The following CSMD1 variants were observed in gnomAD, a reference collection of about 807,000 sequenced individuals.
CSMD1 encodes the protein CUB and sushi domain-containing protein 1.
In CSMD1, 213 loss-of-function variants were observed where a neutral mutation model predicts 417.5. That is an observed-to-expected ratio of 0.51 (90% CI 0.46 to 0.57). The LOEUF is 0.57. Ranked by LOEUF, CSMD1 falls within the 20% of genes least tolerant of loss-of-function variation. The pLI, the probability that CSMD1 is intolerant of heterozygous loss-of-function variation, is 0.00. For missense variants in CSMD1, 6,923 were observed against 4,529.7 expected (o/e 1.53, Z -15.17); for synonymous variants, 2,862 against 1,736.8 (o/e 1.65, Z -16.11).
intron 5 of CSMD1, among the ~76,000 whole-genome samples, chr8:3,768,453 T>C (rs1001001115): frequency 9.9e-5 from 15 of 152,198 alleles, no homozygotes; most frequent in African/African-American, 3.4e-4. Flanking sequence ...CCAGAAAATA[T>C]ATTTCCAACA....
At chr8:3,417,591 C>T (rs270089) in intron 12 of CSMD1, among the ~76,000 whole-genome samples, 134,886 of 152,196 alleles carry the variant, frequency 0.89, 60,016 homozygotes, top group Middle Eastern at 0.95. Context: ...CTACTACATG[C>T]GGGAAGTGTT....
chr8:4,423,750 T>G (rs138561867), intron 2 of CSMD1, among the ~76,000 whole-genome samples: 220 of 151,964 alleles, frequency 1.4e-3, no homozygotes, highest in African/African-American at 4.9e-3. Flanking sequence ...AAAAATAGAA[T>G]AGCTCAAACA....
intron 1 of CSMD1, among the ~76,000 whole-genome samples, chr8:4,677,648 T>G (rs1403988820): frequency 6.6e-6 from 1 of 152,188 alleles, no homozygotes; most frequent in Non-Finnish European, 1.5e-5. Context: ...TAATCATTAA[T>G]TAATCTCTCT....
rs373433152 is a variant in CSMD1, at chr8:4,358,067, C to T, written c.415+61886G>A. Among the ~76,000 whole-genome samples the T allele has an allele frequency of 1.2e-3, 185 of 152,184 alleles. No homozygotes were observed. The South Asian group carries it at 0.015, about 12-fold the overall frequency. ...TGCTGCTGATTTACATGTATACTTA[C>T]GTATATATGTATATATGTATACATA... On this transcript the variant is annotated intron_variant, in intron 3 of 69. Coordinates refer to ENST00000635120, the MANE Select transcript of CSMD1 (RefSeq NM_033225.6).
intron 21 of CSMD1, 65 bp downstream of exon 21, chr8:3,359,087 G>A: frequency 6.5e-7 from 1 of 1,527,938 alleles, no homozygotes. Flanking sequence ...GACCACCCTA[G>A]GCTTCTTGCC....
At chr8:4,249,664 C>G (rs1232071082) in intron 3 of CSMD1, among the ~76,000 whole-genome samples, 1 of 152,128 alleles carries the variant, frequency 6.6e-6, no homozygotes, top group Non-Finnish European at 1.5e-5. Context: ...TGAGAGCTGC[C>G]AGCTCTCTTC....
At chr8:3,989,301 C>A (rs555509117) in intron 5 of CSMD1, among the ~76,000 whole-genome samples, 14 of 152,306 alleles carry the variant, frequency 9.2e-5, no homozygotes, top group Non-Finnish European at 2.1e-4. Flanking sequence ...AGACTACAGC[C>A]TAAGTCTCAC....
intron 1 of CSMD1, among the ~76,000 whole-genome samples, chr8:4,972,728 T>C (rs1563907531): frequency 6.6e-6 from 1 of 152,144 alleles, no homozygotes; most frequent in African/African-American, 2.4e-5. Flanking sequence ...GAAATATTGT[T>C]TGAGTTTTGA....
chr8:3,347,784 CTA>C (rs1175392919), intron 22 of CSMD1, among the ~76,000 whole-genome samples: 1 of 152,106 alleles, frequency 6.6e-6, no homozygotes, highest in Non-Finnish European at 1.5e-5. Context: ...CGAGGTTTAT[CTA>C]CAAAGTTATT....
intron 2 of CSMD1, among the ~76,000 whole-genome samples, chr8:4,565,524 C>G (rs1585257155): frequency 6.6e-6 from 1 of 151,970 alleles, no homozygotes; most frequent in South Asian, 2.1e-4. Flanking sequence ...ATCACAAGGT[C>G]AGGTGTTTGA....
At chr8:3,100,400 G>A (rs1456379789) in intron 46 of CSMD1, among the ~76,000 whole-genome samples, 3 of 152,200 alleles carry the variant, frequency 2.0e-5, no homozygotes, top group African/African-American at 7.2e-5. Context: ...TCTTTCATAT[G>A]GAACCACTCC....
chr8:3,187,844 G>A lies in CSMD1; in HGVS notation c.5620+25C>T, dbSNP rs751825668. The A allele has an allele frequency of 7.0e-6, 11 of 1,568,602 alleles. No individual in the cohort carries two copies. In the Admixed American group the frequency reaches 1.9e-4, roughly 26 times the overall value. ...GTGTTTGCAGATTTTGAGTCACACA[G>A]GTGAGGAAATTGACTCCATCTTACC... On this transcript the variant is annotated intron_variant, in intron 36 of 69. Transcript: ENST00000635120.
chr8:3,460,701 A>G (rs1438090131), intron 12 of CSMD1, among the ~76,000 whole-genome samples: 2 of 152,204 alleles, frequency 1.3e-5, no homozygotes, highest in Admixed American at 6.5e-5. Context: ...ATAAACCACC[A>G]ATGTCGCTAA....
intron 4 of CSMD1, among the ~76,000 whole-genome samples, chr8:4,006,224 T>C (rs960692103): frequency 1.3e-5 from 2 of 152,150 alleles, no homozygotes; most frequent in Non-Finnish European, 2.9e-5. Context: ...CAGAAATATA[T>C]TGACTTTGTG....
At chr8:4,973,442 C>T (rs529660513) in intron 1 of CSMD1, among the ~76,000 whole-genome samples, 2 of 152,094 alleles carry the variant, frequency 1.3e-5, no homozygotes, top group East Asian at 3.9e-4. Flanking sequence ...GGTTTTAGAA[C>T]ATTTTCTAGC....
At chr8:3,251,845 T>A (rs542446051) in intron 26 of CSMD1, among the ~76,000 whole-genome samples, 172 of 152,344 alleles carry the variant, frequency 1.1e-3, no homozygotes, top group African/African-American at 3.8e-3. Context: ...GGCAGTTCAC[T>A]CATGATTTGG....
chr8:3,817,702 G>A (rs1174591290), intron 5 of CSMD1, among the ~76,000 whole-genome samples: 2 of 152,116 alleles, frequency 1.3e-5, no homozygotes, highest in African/African-American at 4.8e-5. Context: ...TCTACTCTCA[G>A]AAGGTATGCT....
chr8:2,974,849 G>A (rs1054522498), intron 55 of CSMD1, among the ~76,000 whole-genome samples: 12 of 152,128 alleles, frequency 7.9e-5, no homozygotes, highest in Non-Finnish European at 1.6e-4. Context: ...TTTTTGTTTT[G>A]CTAAGGTAGC....
chr8:4,354,067 A>G (rs1203140067), intron 3 of CSMD1, among the ~76,000 whole-genome samples: 2 of 152,202 alleles, frequency 1.3e-5, no homozygotes, highest in Non-Finnish European at 2.9e-5. Context: ...ATATCATTTC[A>G]GAAATCTGCA....
Sources: allele counts gnomAD v4.1 joint callset (sites outside exome capture counted in the v4.1 genomes callset), GRCh38; gene constraint gnomAD v4.1.1; transcripts MANE v1.5; gene names NCBI Gene and HGNC (gene_info 2026-07-23, HGNC 2026-07-21).